LRRC31: variants seen among roughly 807,000 people sequenced by gnomAD.
LRRC31 encodes the protein leucine rich repeat containing 31, also known as leucine-rich repeat-containing protein 31.
LRRC31 carries 35 observed loss-of-function variants against 46.7 expected under a neutral mutation model. That is an observed-to-expected ratio of 0.75 (90% CI 0.57 to 0.99). The LOEUF is 0.99. Ranked by LOEUF, LRRC31 falls within the 50% of genes least tolerant of loss-of-function variation. LRRC31 has a pLI of 0.00. For synonymous variants in LRRC31, 236 were observed against 235.1 expected (o/e 1.00, Z -0.03); for missense variants, 613 against 626.1 (o/e 0.98, Z 0.22).
rs9864854 is a variant in LRRC31 at position 169,857,385 on chromosome 3, C to T, written c.488-513G>A. ...ACACACACACAAGTATATATATACA[C>T]ATATATACATACACACACATATACA... On this transcript the variant is annotated intron_variant, in intron 3 of 8. Coordinates refer to ENST00000316428, the MANE Select transcript of LRRC31 (RefSeq NM_024727.4). Among the ~76,000 whole-genome samples the T allele has an allele frequency of 1.0e-3, 100 of 97,256 alleles. 7 individuals are homozygous for T. The highest frequency in any genetic ancestry group is 3.5e-3 in the African/African-American group (95 of 27,360). The allele number at this position is 97,256 out of a possible 152,430, so 63.8% of individuals were successfully genotyped here. A position where few individuals can be genotyped will look rare whatever the true frequency, so the allele number is the denominator to read the frequency against.
chr3:169,869,468 A>G (rs548871611), intron 1 of LRRC31, among the ~76,000 whole-genome samples, 165 bp downstream of exon 1: 21 of 152,238 alleles, frequency 1.4e-4, no homozygotes, highest in African/African-American at 5.1e-4. Flanking sequence ...CATTCTCCAC[A>G]ATATGATTAT....
Position 169,839,781 on chromosome 3 carries a change from TTATATATGTATATTA to T in LRRC31, c.*186_*200del, listed in dbSNP as rs1219599901. 4.8e-5 allele frequency: 9 copies of T among 186,350 alleles called. No individual in the cohort carries two copies. Among genetic ancestry groups the T allele is most frequent in the Admixed American group, 1.8e-4 (3 of 16,296 alleles). The allele number at this position is 186,350 out of a possible 1,614,324, so 11.5% of individuals were successfully genotyped here. On this transcript the variant is annotated 3_prime_UTR_variant, in exon 9 of 9. Coordinates refer to ENST00000316428, the MANE Select transcript of LRRC31 (RefSeq NM_024727.4). ...ATATATATTTACATATATATGTGTA[TTATATATGTATATTA>T]TATATATGTGTATATATGTATATTA...
At chr3:169,840,409 G>C in intron 8 of LRRC31, 96 bp from the exon 9 acceptor site, 6 of 1,234,964 alleles carry the variant, frequency 4.9e-6, no homozygotes, top group Non-Finnish European at 7.0e-6. Flanking sequence ...GAATAGTAAT[G>C]ACAAGATTAG....
At chr3:169,862,759 A>T (rs1390712290) in intron 1 of LRRC31, among the ~76,000 whole-genome samples, 3 of 151,792 alleles carry the variant, frequency 2.0e-5, no homozygotes, top group African/African-American at 4.9e-5. Flanking sequence ...AACTGCATCT[A>T]AAAAAAATAA....
intron 8 of LRRC31, among the ~76,000 whole-genome samples, chr3:169,846,818 G>A (rs1485385671): frequency 1.3e-5 from 2 of 152,180 alleles, no homozygotes; most frequent in African/African-American, 4.8e-5. Context: ...TATTTAATAT[G>A]TAAAACTGTA....
Position 169,840,227 on chromosome 3 carries a change from T to C in LRRC31, c.1414A>G (p.Met472Val). 2.5e-6 allele frequency: 4 copies of C among 1,614,156 alleles called. No homozygotes were observed. The highest frequency in any genetic ancestry group is 1.1e-5 in the South Asian group (1 of 91,082). The change falls in exon 9 of 9, where the codon ATG becomes GTG. Residue 472 changes from methionine (M) to valine (V), a missense_variant. Coordinates refer to ENST00000316428, the MANE Select transcript of LRRC31 (RefSeq NM_024727.4). ...NDSICDAGWT[M>V]FCQNVRFLKE... ...AGGAACCGCACGTTTTGGCAGAACA[T>C]GGTCCACCCCGCATCACAGATGCTG...
chr3:169,860,435 C>T, intron 3 of LRRC31, 126 bp downstream of exon 3: 2 of 956,786 alleles, frequency 2.1e-6, no homozygotes, highest in African/African-American at 1.6e-5. Flanking sequence ...ACCATGTTGC[C>T]CAGGCTGTTC....
At chr3:169,862,227 G>C (rs1227262005) in intron 1 of LRRC31, among the ~76,000 whole-genome samples, 1 of 152,212 alleles carries the variant, frequency 6.6e-6, no homozygotes, top group Non-Finnish European at 1.5e-5. Flanking sequence ...GGTGAAGAAG[G>C]GAAAGCGTTG....
intron 5 of LRRC31, among the ~76,000 whole-genome samples, chr3:169,856,097 G>T (rs1351841644): frequency 6.6e-6 from 1 of 151,478 alleles, no homozygotes; most frequent in Non-Finnish European, 1.5e-5. Context: ...TGGCCAGGCT[G>T]GTCTCAAACT....
At chr3:169,846,088 G>A (rs1780595817) in intron 8 of LRRC31, among the ~76,000 whole-genome samples, 1 of 152,148 alleles carries the variant, frequency 6.6e-6, no homozygotes, top group African/African-American at 2.4e-5. Flanking sequence ...GCTAAGAAAT[G>A]AAAATACACA....
At chr3:169,866,963 A>G (rs972558733) in intron 1 of LRRC31, among the ~76,000 whole-genome samples, 4 of 151,708 alleles carry the variant, frequency 2.6e-5, no homozygotes, top group African/African-American at 4.8e-5. Flanking sequence ...CTCTGTCTCA[A>G]AAAGAAAGAA....
intron 8 of LRRC31, among the ~76,000 whole-genome samples, chr3:169,845,599 A>G (rs1780581070): frequency 1.3e-5 from 2 of 152,222 alleles, no homozygotes; most frequent in African/African-American, 2.4e-5. Context: ...AGGCAAATCA[A>G]TGGAGAATGG....
In LRRC31 at chr3:169,856,486, G is replaced by A; in HGVS notation, c.673C>T (p.Leu225=). 6.3e-7 allele frequency: 1 copy of A among 1,598,820 alleles called. No individual in the cohort carries two copies. The highest frequency in any genetic ancestry group is 1.7e-5 in the Admixed American group (1 of 57,800). ...AGATCAAGTACTTCGAGACTTTGCA[G>A]CATAGGTAGCAGTTGACCTAGAAGG... ...GTFLGQLLPM[L]QSLEVLDLSI... Residue 225 remains leucine (L), a synonymous_variant, in exon 5 of 9, where the codon CTG becomes TTG. Coordinates refer to ENST00000316428, the MANE Select transcript of LRRC31 (RefSeq NM_024727.4).
chr3:169,856,438 C>A lies in LRRC31; in HGVS notation c.721G>T (p.Gly241Cys). ...LDLSINRDIVGSLNSIAQGLK... is the reference protein window; with the variant it reads ...LDLSINRDIVCSLNSIAQGLK... The stretch of plus-strand genomic sequence containing the variant: ...CCCTGAGCAATACTGTTCAGACTGC[C>A]AACAATGTCTCTGTTAATGGAAAGA... Residue 241 changes from glycine (G) to cysteine (C), a missense_variant, in exon 5 of 9, where the codon GGC (glycine) becomes TGC (cysteine). Transcript: ENST00000316428. 6.2e-7 allele frequency: 1 copy of A among 1,606,700 alleles called. No individual in the cohort carries two copies. Among genetic ancestry groups the A allele is most frequent in the Non-Finnish European group, 8.5e-7 (1 of 1,176,642 alleles).
chr3:169,848,582 G>A (rs1018766059), intron 7 of LRRC31, among the ~76,000 whole-genome samples: 3 of 152,072 alleles, frequency 2.0e-5, no homozygotes, highest in East Asian at 1.9e-4. Context: ...TCAGCCTCTC[G>A]AGCAGCTGGG....
chr3:169,856,744 C>A lies in LRRC31; in HGVS notation c.616G>T (p.Val206Leu), dbSNP rs1468818379. 1.2e-6 allele frequency: 2 copies of A among 1,605,136 alleles called. No individual in the cohort carries two copies. Among genetic ancestry groups the A allele is most frequent in the East Asian group, 4.5e-5 (2 of 44,362 alleles). ...KGSKIQMIEL[V>L]DCSLTSEDGT... ...TCTTCTGACGTGAGGGAGCAATCCA[C>A]AAGCTCAATCATTTGTATCTTGCTC... Residue 206 changes from valine (V) to leucine (L), a missense_variant, in exon 4 of 9, where the codon GTG (valine) becomes TTG (leucine). By Grantham distance (32) the Val-to-Leu change is conservative. Coordinates refer to ENST00000316428, the MANE Select transcript of LRRC31 (RefSeq NM_024727.4).
At chr3:169,853,356 G>A in intron 6 of LRRC31, 82 of 985,382 alleles carry the variant, frequency 8.3e-5, no homozygotes, top group Non-Finnish European at 9.6e-5. Flanking sequence ...GAATTAAGCA[G>A]AAGGAAAGCA....
chr3:169,867,077 G>A (rs1399039584), intron 1 of LRRC31, among the ~76,000 whole-genome samples: 4 of 121,814 alleles, frequency 3.3e-5, no homozygotes, highest in Admixed American at 1.6e-4. Context: ...TTTTTTGAGG[G>A]TCTTGCTCTG....
At chr3:169,851,424 CA>C (rs34948819) in intron 7 of LRRC31, among the ~76,000 whole-genome samples, 194 bp downstream of exon 7, 1 of 151,548 alleles carries the variant, frequency 6.6e-6, no homozygotes, top group Admixed American at 6.6e-5. Context: ...ACAACAACAA[CA>C]AAAAAAACCC....
Sources: gnomAD v4.1 joint callset for allele counts (sites outside exome capture counted in the v4.1 genomes callset) on GRCh38, gnomAD v4.1.1 for gene constraint, MANE v1.5 for transcripts, NCBI Gene and HGNC (gene_info 2026-07-23, HGNC 2026-07-21) for gene names.